The following RAB31 variants were observed in gnomAD, a reference collection of about 807,000 sequenced individuals.
The protein encoded by RAB31 is ras-related protein Rab-31.
A neutral mutation model predicts 25.6 loss-of-function variants in RAB31; 21 were observed. The ratio of observed to expected loss-of-function variants is 0.82; its 90% CI spans 0.58 to 1.18. The LOEUF is 1.18. Among genes scored for constraint, RAB31 ranks in the 50% most tolerant of loss-of-function variants. The pLI is 0.00. For synonymous variants in RAB31, 87 were observed against 84.0 expected (o/e 1.04, Z -0.20); for missense variants, 196 against 250.1 (o/e 0.78, Z 1.46).
At chr18:9,746,814 C>T (rs936700170) in intron 1 of RAB31, among the ~76,000 whole-genome samples, 2 of 152,156 alleles carry the variant, frequency 1.3e-5, no homozygotes, top group African/African-American at 4.8e-5. Context: ...GTCTGTAAAA[C>T]TTCTAATGGA....
chr18:9,727,418 A>G (rs1157095633), intron 1 of RAB31, among the ~76,000 whole-genome samples: 1 of 152,190 alleles, frequency 6.6e-6, no homozygotes, highest in African/African-American at 2.4e-5. Flanking sequence ...GCAGGCTCAC[A>G]CAATCCTCCC....
intron 2 of RAB31, among the ~76,000 whole-genome samples, chr18:9,791,430 C>G (rs1368683843): frequency 1.9e-5 from 2 of 106,882 alleles, no homozygotes; most frequent in Non-Finnish European, 1.7e-5. Context: ...CGGAGTCTTG[C>G]TCTGTCACTC....
At chr18:9,816,222 C>A in intron 5 of RAB31, 1 of 186,926 alleles carries the variant, frequency 5.3e-6, no homozygotes. Context: ...AATTAATGGC[C>A]TTTCACTTTT....
chr18:9,729,635 G>A lies in RAB31; in HGVS notation c.39+21191G>A, dbSNP rs192198268. On this transcript the variant is annotated intron_variant, in intron 1 of 6. Coordinates refer to ENST00000578921, the MANE Select transcript of RAB31 (RefSeq NM_006868.4). ...GGATTTTGGGATAAAGAACCAGCTA[G>A]GGATTTAGTCTCCCCTCCCCCACCC... is the stretch of plus-strand genomic sequence containing the variant. Among the ~76,000 whole-genome samples, 5 of 152,150 alleles carry A rather than the reference G, an allele frequency of 3.3e-5. No homozygotes were observed. In the East Asian group the frequency reaches 9.6e-4, roughly 29 times the overall value.
intron 6 of RAB31, among the ~76,000 whole-genome samples, chr18:9,853,963 C>CTTTTTTTTTTTTTTT (rs11376519): frequency 7.6e-6 from 1 of 130,836 alleles, no homozygotes; most frequent in African/African-American, 2.8e-5. Context: ...CTTTTCTTTT[C>CTTTTTTTTTTTTTTT]TTTTTTTTTT....
rs1199698779 is a variant in RAB31, at chr18:9,861,059, A to G, written c.*1734A>G. On this transcript the variant is annotated 3_prime_UTR_variant, in exon 7 of 7. Coordinates refer to ENST00000578921, the MANE Select transcript of RAB31 (RefSeq NM_006868.4). ...ATTGTCCACATTAATGGTTGGCATG[A>G]TTGTGCTTGCAGGCCAAGAAATGAT... 6.7e-6 allele frequency: 1 copy of G among 150,244 alleles called. No homozygotes were observed. Among genetic ancestry groups the G allele is most frequent in the Non-Finnish European group, 1.5e-5 (1 of 67,696 alleles). 9.3% of individuals were successfully genotyped at this position (150,244 alleles called of 1,614,324 possible).
intron 2 of RAB31, among the ~76,000 whole-genome samples, chr18:9,791,828 A>G (rs1353480483): frequency 2.0e-5 from 3 of 151,690 alleles, no homozygotes; most frequent in African/African-American, 4.8e-5. Context: ...CTGGTCTTGA[A>G]CTCCTGACCT....
At position 9,709,697 on chromosome 18, in the gene RAB31, C is replaced by T. The variant is rs192202024; in HGVS notation, c.39+1253C>T. On this transcript the variant is annotated intron_variant, in intron 1 of 6. Transcript: ENST00000578921. ...AGGATCTGGGAAGGCCCTGCCCTCCCTGCTAGCCCCTGGCACAGATCCGCA... is the reference window on the plus strand; with the variant it reads ...AGGATCTGGGAAGGCCCTGCCCTCCTTGCTAGCCCCTGGCACAGATCCGCA... 1.6e-4 allele frequency among the ~76,000 whole-genome samples: 24 copies of T among 152,368 alleles called. 1 individual carries two copies. The East Asian group carries it at 4.2e-3, about 27-fold the overall frequency.
At chr18:9,800,366 G>A (rs75037091) in intron 3 of RAB31, among the ~76,000 whole-genome samples, 128 of 152,098 alleles carry the variant, frequency 8.4e-4, no homozygotes, top group African/African-American at 2.8e-3. Flanking sequence ...AGTTCATGAC[G>A]TTCCAACACA....
chr18:9,800,909 C>G (rs1278549910), intron 3 of RAB31, among the ~76,000 whole-genome samples: 1 of 152,186 alleles, frequency 6.6e-6, no homozygotes, highest in African/African-American at 2.4e-5. Context: ...TCAGCACAAT[C>G]CATTTTAGAG....
chr18:9,726,920 TA>T (rs901626010), intron 1 of RAB31, among the ~76,000 whole-genome samples: 9 of 151,510 alleles, frequency 5.9e-5, no homozygotes, highest in African/African-American at 1.2e-4. Flanking sequence ...AGCATTACCT[TA>T]AAAAAAAAGT....
chr18:9,719,526 A>G (rs1383723253), intron 1 of RAB31, among the ~76,000 whole-genome samples: 2 of 151,522 alleles, frequency 1.3e-5, no homozygotes, highest in Admixed American at 1.3e-4. Flanking sequence ...GTAATCCCAC[A>G]GCCAAAGATA....
At position 9,837,645 on chromosome 18, in the gene RAB31, T is replaced by C. The variant is rs370071871; in HGVS notation, c.381-7937T>C. 2.7e-4 allele frequency among the ~76,000 whole-genome samples: 41 copies of C among 152,206 alleles called. 2 individuals carry two copies. ...ACCCTCAAATAATCCAAAACCACCC[T>C]GGGCAGAGAACATGTACACGAATGT... On this transcript the variant is annotated intron_variant, in intron 5 of 6. Coordinates refer to ENST00000578921, the MANE Select transcript of RAB31 (RefSeq NM_006868.4).
chr18:9,771,135 C>A (rs1020433513), intron 1 of RAB31, among the ~76,000 whole-genome samples: 5 of 152,114 alleles, frequency 3.3e-5, no homozygotes, highest in African/African-American at 1.2e-4. Context: ...TGCACCACTG[C>A]ATTCCAGCCT....
At chr18:9,796,271 G>C (rs2068486713) in intron 3 of RAB31, among the ~76,000 whole-genome samples, 1 of 152,066 alleles carries the variant, frequency 6.6e-6, no homozygotes, top group Non-Finnish European at 1.5e-5. Flanking sequence ...TACACACTGG[G>C]TACAGTGTAC....
At chr18:9,845,789 T>C (rs2068758901) in intron 6 of RAB31, 98 bp downstream of exon 6, 3 of 1,413,644 alleles carry the variant, frequency 2.1e-6, no homozygotes, top group Middle Eastern at 4.7e-4. Context: ...ACTTTTCCTC[T>C]GTGTGAATTT....
intron 1 of RAB31, among the ~76,000 whole-genome samples, chr18:9,772,879 GGGGTCTTA>G (rs554510549): frequency 0.013 from 1,927 of 152,260 alleles, 33 homozygotes; most frequent in African/African-American, 0.044. Context: ...TCCTCCACAG[GGGGTCTTA>G]AGAACAACTG....
intron 2 of RAB31, among the ~76,000 whole-genome samples, chr18:9,786,137 GGAAAGAAA>G (rs138764985): frequency 5.4e-5 from 8 of 148,884 alleles, no homozygotes; most frequent in African/African-American, 2.0e-4. Context: ...AAAAAGGAAA[GGAAAGAAA>G]GAAAGAAAGA....
intron 3 of RAB31, among the ~76,000 whole-genome samples, chr18:9,806,160 C>G (rs1012651934): frequency 4.1e-5 from 6 of 144,830 alleles, no homozygotes; most frequent in Admixed American, 7.0e-5. Flanking sequence ...CTGGGCAACA[C>G]AGAGAGACTC....
Sources: allele counts gnomAD v4.1 joint callset (sites outside exome capture counted in the v4.1 genomes callset), GRCh38; gene constraint gnomAD v4.1.1; transcripts MANE v1.5; gene names NCBI Gene and HGNC (gene_info 2026-07-23, HGNC 2026-07-21).